Variants in MKLN1 observed in about 807,000 individuals in gnomAD.
MKLN1 encodes muskelin 1.
Under a neutral mutation model 99.0 loss-of-function variants are expected in MKLN1, and 18 were observed. That is an observed-to-expected ratio of 0.18 (90% CI 0.13 to 0.27). The LOEUF (loss-of-function observed/expected upper bound fraction) is 0.27. Among genes scored for constraint, MKLN1 ranks in the 10% least tolerant of loss-of-function variants. The pLI, the probability that MKLN1 is intolerant of heterozygous loss-of-function variation, is 1.00. For synonymous variants in MKLN1, 288 were observed against 293.2 expected (o/e 0.98, Z 0.18); for missense variants, 621 against 875.9 (o/e 0.71, Z 3.67).
intron 1 of MKLN1, among the ~76,000 whole-genome samples, chr7:131,123,022 CAAA>C (rs59581806): frequency 8.3e-5 from 5 of 60,374 alleles, no homozygotes; most frequent in African/African-American, 2.1e-4. Context: ...GACTCCGTCT[CAAA>C]AAAAAAAAAA....
intron 11 of MKLN1, among the ~76,000 whole-genome samples, chr7:131,444,501 A>C (rs191814526): frequency 6.6e-6 from 1 of 152,082 alleles, no homozygotes; most frequent in East Asian, 1.9e-4. Flanking sequence ...GTAAGAGAAA[A>C]ATTAAATTGT....
At chr7:131,122,295 C>T (rs1320333810) in intron 1 of MKLN1, among the ~76,000 whole-genome samples, 1 of 152,148 alleles carries the variant, frequency 6.6e-6, no homozygotes, top group Non-Finnish European at 1.5e-5. Flanking sequence ...ACTGCAAACC[C>T]AGCTTGATCT....
intron 3 of MKLN1, among the ~76,000 whole-genome samples, chr7:131,275,559 ATATATATATTTTTTTTTTT>A (rs1244519710): frequency 1.3e-3 from 19 of 14,462 alleles, no homozygotes; most frequent in East Asian, 8.7e-3. Context: ...ATATATATAT[ATATATATATTTTTTTTTTT>A]TTTTTTTTTT....
intron 3 of MKLN1, among the ~76,000 whole-genome samples, chr7:131,278,643 G>A (rs1473064328): frequency 6.6e-6 from 1 of 151,778 alleles, no homozygotes; most frequent in Admixed American, 6.6e-5. Flanking sequence ...GAGACAGGGT[G>A]TCATTCTGTT....
At position 131,491,050 on chromosome 7, in the gene MKLN1, C is replaced by A. The variant is rs931734616; in HGVS notation, c.*3322C>A. ...CATGAAGAAGTTACCTGCAATTATT[C>A]TTAACACTACATGGAATTCACTGGG... On this transcript the variant is annotated 3_prime_UTR_variant, in exon 18 of 18. Coordinates refer to ENST00000352689, the MANE Select transcript of MKLN1 (RefSeq NM_013255.5). 2.0e-5 allele frequency: 3 copies of A among 152,080 alleles called. No homozygotes were observed. Among genetic ancestry groups the A allele is most frequent in the African/African-American group, 7.2e-5 (3 of 41,418 alleles). The allele number at this position is 152,080 out of a possible 1,614,324, so 9.4% of individuals were successfully genotyped here.
intron 3 of MKLN1, among the ~76,000 whole-genome samples, chr7:131,315,539 G>T (rs1157604746): frequency 6.6e-6 from 1 of 152,168 alleles, no homozygotes; most frequent in Non-Finnish European, 1.5e-5. Context: ...TGGAACCCCA[G>T]TGAGACAGAA....
intron 3 of MKLN1, among the ~76,000 whole-genome samples, chr7:131,320,758 A>G (rs1798760281): frequency 6.6e-6 from 1 of 152,206 alleles, no homozygotes; most frequent in Non-Finnish European, 1.5e-5. Flanking sequence ...ACCCCAACAA[A>G]AAGTGGGCAA....
intron 6 of MKLN1, among the ~76,000 whole-genome samples, chr7:131,409,387 A>C (rs1323733960): frequency 1.3e-5 from 2 of 152,254 alleles, no homozygotes; most frequent in Admixed American, 1.3e-4. Context: ...ACATTAAAAC[A>C]AGGTAGTAAA....
chr7:131,262,958 A>G (rs1030818135), intron 3 of MKLN1, among the ~76,000 whole-genome samples: 3 of 152,044 alleles, frequency 2.0e-5, no homozygotes, highest in African/African-American at 4.8e-5. Context: ...CAGTTGTTCT[A>G]CAGAATGTTC....
chr7:131,332,654 G>A (rs1038076876), intron 1 of MKLN1, among the ~76,000 whole-genome samples: 3 of 151,642 alleles, frequency 2.0e-5, no homozygotes, highest in African/African-American at 7.3e-5. Flanking sequence ...GTAGATGTAT[G>A]TATTTTTCAA....
chr7:131,112,806 G>A (rs1052836131), intron 1 of MKLN1, among the ~76,000 whole-genome samples: 3 of 152,206 alleles, frequency 2.0e-5, no homozygotes, highest in African/African-American at 7.2e-5. Context: ...GAATCCTCAT[G>A]GAACTAATAA....
At chr7:131,468,246 C>T (rs1289579600) in intron 15 of MKLN1, among the ~76,000 whole-genome samples, 1 of 152,164 alleles carries the variant, frequency 6.6e-6, no homozygotes, top group East Asian at 1.9e-4. Flanking sequence ...ACTACTAATT[C>T]AGACAATAAA....
intron 3 of MKLN1, among the ~76,000 whole-genome samples, chr7:131,224,722 C>CAA (rs879580618): frequency 4.0e-5 from 6 of 148,378 alleles, no homozygotes; most frequent in Non-Finnish European, 7.5e-5. Context: ...GACCCTGTCT[C>CAA]AAAAAAAAAC....
chr7:131,281,680 A>ATTTCT (rs1237094058), intron 3 of MKLN1, among the ~76,000 whole-genome samples: 3 of 149,792 alleles, frequency 2.0e-5, no homozygotes, highest in Non-Finnish European at 4.5e-5. Flanking sequence ...ATCCTGCCAT[A>ATTTCT]TTTCTTTTCT....
intron 3 of MKLN1, among the ~76,000 whole-genome samples, chr7:131,244,916 C>T (rs938345076): frequency 1.3e-5 from 2 of 152,188 alleles, no homozygotes; most frequent in Non-Finnish European, 2.9e-5. Flanking sequence ...GACACCCCTA[C>T]ACGGCGGCAC....
chr7:131,300,838 G>T lies in MKLN1; in HGVS notation c.-178-74586G>T, dbSNP rs544629709. On this transcript the variant is annotated intron_variant, in intron 3 of 7. Coordinates refer to the MKLN1 transcript ENST00000416992. ...TGTAGGTATTCAAATCATTTTAATTGTAGACCTGATGGATACGGTGGGAAG... is the reference window on the plus strand; with the variant it reads ...TGTAGGTATTCAAATCATTTTAATTTTAGACCTGATGGATACGGTGGGAAG... Among the ~76,000 whole-genome samples, 24 of 152,194 alleles carry T rather than the reference G, an allele frequency of 1.6e-4. 1 individual carries two copies. The highest frequency in any genetic ancestry group is 5.3e-4 in the African/African-American group (22 of 41,526).
intron 1 of MKLN1, among the ~76,000 whole-genome samples, chr7:131,338,442 G>C (rs1236288425): frequency 6.6e-6 from 1 of 152,210 alleles, no homozygotes; most frequent in Non-Finnish European, 1.5e-5. Context: ...TGTCTTGAAA[G>C]GGAAAGCTGC....
intron 17 of MKLN1, among the ~76,000 whole-genome samples, chr7:131,482,364 T>C (rs1797148840): frequency 6.6e-6 from 1 of 152,138 alleles, no homozygotes; most frequent in Non-Finnish European, 1.5e-5. Context: ...TGAGCTAATT[T>C]TTTTTTCCTT....
At chr7:131,483,114 A>G (rs999959979) in intron 17 of MKLN1, among the ~76,000 whole-genome samples, 1 of 152,236 alleles carries the variant, frequency 6.6e-6, no homozygotes, top group Non-Finnish European at 1.5e-5. Flanking sequence ...TTATGAAAAT[A>G]AAGTAAGATA....
Sources: gnomAD v4.1 joint callset for allele counts (sites outside exome capture counted in the v4.1 genomes callset) on GRCh38, gnomAD v4.1.1 for gene constraint, MANE v1.5 for transcripts, NCBI Gene and HGNC (gene_info 2026-07-23, HGNC 2026-07-21) for gene names.